The following SLC25A21 variants were observed in gnomAD, a reference collection of about 807,000 sequenced individuals.
The protein encoded by SLC25A21 is solute carrier family 25 member 21.
In SLC25A21, 47 loss-of-function variants were observed where a neutral mutation model predicts 43.8. That is an observed-to-expected ratio of 1.07 (90% confidence interval 0.85 to 1.37). The LOEUF (loss-of-function observed/expected upper bound fraction) is 1.37, where lower values mean the gene tolerates loss of function less well. SLC25A21 is among the 40% of genes most tolerant of loss of function. The pLI, the probability that SLC25A21 is intolerant of heterozygous loss-of-function variation, is 0.00. For synonymous variants in SLC25A21, 131 were observed against 121.3 expected, an observed-to-expected ratio of 1.08 and a Z score of -0.52; for missense variants, 352 against 350.2, an observed-to-expected ratio of 1.00 and a Z score of -0.04.
At chr14:37,141,152 G>GAA (rs147902935) in intron 1 of SLC25A21, among the ~76,000 whole-genome samples, 2 of 150,018 alleles carry the variant, frequency 1.3e-5, no homozygotes, top group East Asian at 1.9e-4. Flanking sequence ...CTCAAAAAAA[G>GAA]AAAAAAAAAT....
At chr14:36,824,938 T>C (rs745992653) in intron 2 of SLC25A21, among the ~76,000 whole-genome samples, 5 of 152,022 alleles carry the variant, frequency 3.3e-5, no homozygotes, top group Admixed American at 1.3e-4. Context: ...GATCTTCCCT[T>C]AGGGGAGAAG....
intron 1 of SLC25A21, among the ~76,000 whole-genome samples, chr14:36,929,447 G>A (rs1190958673): frequency 2.0e-5 from 3 of 152,100 alleles, no homozygotes; most frequent in African/African-American, 7.2e-5. Flanking sequence ...CTGACTTGGA[G>A]AAAAATAGGA....
intron 1 of SLC25A21, among the ~76,000 whole-genome samples, chr14:37,024,459 T>C (rs1394205933): frequency 6.6e-6 from 1 of 152,012 alleles, no homozygotes; most frequent in Non-Finnish European, 1.5e-5. Context: ...CTTCTTTATA[T>C]ACCAACGTCA....
chr14:36,829,065 A>AT (rs943162292), intron 2 of SLC25A21, among the ~76,000 whole-genome samples: 8 of 151,802 alleles, frequency 5.3e-5, no homozygotes, highest in African/African-American at 9.7e-5. Context: ...CACCTGGCTA[A>AT]TTTTTTTAGT....
At chr14:36,980,110 C>T (rs1319445813) in intron 1 of SLC25A21, among the ~76,000 whole-genome samples, 2 of 152,224 alleles carry the variant, frequency 1.3e-5, no homozygotes, top group Non-Finnish European at 2.9e-5. Flanking sequence ...TACACAATGA[C>T]AGTTAAAAAA....
chr14:36,869,438 C>T (rs1406592893), intron 2 of SLC25A21, among the ~76,000 whole-genome samples: 1 of 151,988 alleles, frequency 6.6e-6, no homozygotes, highest in African/African-American at 2.4e-5. Context: ...TGGTCACTGC[C>T]CTAACAGGGC....
intron 2 of SLC25A21, among the ~76,000 whole-genome samples, chr14:36,825,910 C>G (rs1250477043): frequency 6.6e-6 from 1 of 152,170 alleles, no homozygotes; most frequent in Non-Finnish European, 1.5e-5. Context: ...ACGAATCCTC[C>G]TGAAATTTAA....
chr14:36,898,306 G>A (rs1452604253), intron 1 of SLC25A21, among the ~76,000 whole-genome samples: 1 of 152,172 alleles, frequency 6.6e-6, no homozygotes, highest in African/African-American at 2.4e-5. Context: ...AATGAGCGAG[G>A]CTCTGTGGGC....
In SLC25A21 at chr14:36,775,114, T is replaced by G. The variant is rs545647608; in HGVS notation, c.203+38804A>C. 7.9e-5 allele frequency among the ~76,000 whole-genome samples: 12 copies of G among 152,326 alleles called. No individual in the cohort carries two copies. In the South Asian group the frequency reaches 2.5e-3, roughly 32 times the overall value. On this transcript the variant is annotated intron_variant, in intron 3 of 9. Transcript: ENST00000331299. ...GATGGTATTCCCTTCACTCAATAGT[T>G]GCATATGGAGAATTCTGTAATTGCT...
chr14:36,779,457 TTA>T (rs57847198), intron 3 of SLC25A21, among the ~76,000 whole-genome samples: 22,212 of 139,260 alleles, frequency 0.16, 2,042 homozygotes, highest in Middle Eastern at 0.25. Flanking sequence ...AAAGAAGGAA[TTA>T]TATATATATA....
At chr14:36,761,159 A>C (rs947518020) in intron 3 of SLC25A21, among the ~76,000 whole-genome samples, 3 of 152,054 alleles carry the variant, frequency 2.0e-5, no homozygotes, top group African/African-American at 7.2e-5. Flanking sequence ...GTGCCACATC[A>C]CCATTCAGTT....
At chr14:36,897,184 C>T (rs902918920) in intron 1 of SLC25A21, among the ~76,000 whole-genome samples, 5 of 152,204 alleles carry the variant, frequency 3.3e-5, no homozygotes, top group Admixed American at 2.0e-4. Context: ...ACCAATCACA[C>T]GTAGATTTGG....
intron 1 of SLC25A21, among the ~76,000 whole-genome samples, chr14:37,041,495 G>GAA (rs149453038): frequency 1.1e-4 from 16 of 148,716 alleles, no homozygotes; most frequent in African/African-American, 3.9e-4. Context: ...TCTCTAAAAA[G>GAA]AAAAAAAAAA....
intron 1 of SLC25A21, among the ~76,000 whole-genome samples, chr14:36,905,871 C>T (rs1891520030): frequency 6.6e-6 from 1 of 152,066 alleles, no homozygotes; most frequent in Admixed American, 6.6e-5. Context: ...ATGGATATGG[C>T]TCAAGTTATA....
At chr14:36,821,748 T>C (rs1361795200) in intron 2 of SLC25A21, among the ~76,000 whole-genome samples, 1 of 152,134 alleles carries the variant, frequency 6.6e-6, no homozygotes, top group Non-Finnish European at 1.5e-5. Context: ...ACCCAGGACA[T>C]GGAGGTTGCA....
chr14:36,716,235 G>T (rs1284652623), intron 6 of SLC25A21, among the ~76,000 whole-genome samples: 2 of 152,096 alleles, frequency 1.3e-5, no homozygotes, highest in African/African-American at 4.8e-5. Flanking sequence ...ATAAAACAGT[G>T]GTTACCAGGG....
intron 1 of SLC25A21, among the ~76,000 whole-genome samples, chr14:37,123,190 T>C (rs1347214992): frequency 6.6e-6 from 1 of 152,226 alleles, no homozygotes; most frequent in East Asian, 1.9e-4. Flanking sequence ...AAGTGATTTC[T>C]TGGACTACTT....
chr14:36,685,151 C>T (rs140029932), intron 7 of SLC25A21, among the ~76,000 whole-genome samples: 30 of 152,314 alleles, frequency 2.0e-4, no homozygotes, highest in Non-Finnish European at 3.8e-4. Context: ...CATTTCCTCA[C>T]ACAGGATTTA....
At chr14:36,719,053 A>T (rs887875940) in intron 6 of SLC25A21, among the ~76,000 whole-genome samples, 14 of 152,316 alleles carry the variant, frequency 9.2e-5, no homozygotes, top group Middle Eastern at 6.8e-3. Context: ...ACCTCAAGGG[A>T]AGGAAAACAT....
Sources: allele counts gnomAD v4.1 joint callset (sites outside exome capture counted in the v4.1 genomes callset), GRCh38; gene constraint gnomAD v4.1.1; transcripts MANE v1.5; gene names NCBI Gene and HGNC (gene_info 2026-07-23, HGNC 2026-07-21).